The following PPARGC1B variants were observed in gnomAD, a reference collection of about 807,000 sequenced individuals.
The protein encoded by PPARGC1B is peroxisome proliferator-activated receptor gamma coactivator 1-beta.
In PPARGC1B, 34 loss-of-function variants were observed where a neutral mutation model predicts 101.6. That is an observed-to-expected ratio of 0.33 (90% confidence interval 0.25 to 0.45). The LOEUF (loss-of-function observed/expected upper bound fraction) is 0.45, where lower values mean the gene tolerates loss of function less well. Among genes scored for constraint, PPARGC1B ranks in the 20% least tolerant of loss-of-function variants. PPARGC1B has a pLI of 1.00. For synonymous variants in PPARGC1B, 548 were observed against 539.3 expected (o/e 1.02, Z -0.22); for missense variants, 1,234 against 1,317.6 (o/e 0.94, Z 0.98).
At chr5:149,790,465 C>G (rs1756977374) in intron 1 of PPARGC1B, among the ~76,000 whole-genome samples, 2 of 152,106 alleles carry the variant, frequency 1.3e-5, no homozygotes, top group African/African-American at 4.8e-5. Flanking sequence ...AGCTGCTCTC[C>G]CTGTCCAGAC....
At chr5:149,782,161 G>A (rs1756623380) in intron 1 of PPARGC1B, among the ~76,000 whole-genome samples, 1 of 152,142 alleles carries the variant, frequency 6.6e-6, no homozygotes, top group Admixed American at 6.5e-5. Context: ...CCTGGCATAA[G>A]CAAAGGCTCG....
At chr5:149,818,102 G>A (rs1452679124) in intron 1 of PPARGC1B, among the ~76,000 whole-genome samples, 1 of 152,222 alleles carries the variant, frequency 6.6e-6, no homozygotes, top group African/African-American at 2.4e-5. Flanking sequence ...CTGGTGATTT[G>A]TAGTTGGGGG....
In PPARGC1B at chr5:149,839,963, C is replaced by T. The variant is rs777007210; in HGVS notation, c.2619-78C>T. On this transcript the variant is annotated intron_variant, in intron 8 of 11. Transcript: ENST00000309241. Reference sequence around the variant, plus strand: ...ACAAATCCTAAGGAAGCATCCCTTGCGTCCTGGAGCAGATCCGCCCCCACC... The same window carrying T: ...ACAAATCCTAAGGAAGCATCCCTTGTGTCCTGGAGCAGATCCGCCCCCACC... 3.9e-5 allele frequency: 55 copies of T among 1,399,946 alleles called. No individual in the cohort carries two copies. The East Asian group carries it at 4.6e-4, about 12-fold the overall frequency. The allele number at this position is 1,399,946 out of a possible 1,614,324, so 86.7% of individuals were successfully genotyped here.
Position 149,833,053 on chromosome 5 carries a change from CCTGGTCCCGGCA to C in PPARGC1B, c.982_993del (p.Trp328_His331del), listed in dbSNP as rs758445549. On this transcript the variant is annotated inframe_deletion, in exon 5 of 12. Coordinates refer to ENST00000309241, the MANE Select transcript of PPARGC1B (RefSeq NM_133263.4). This position sits in a 1 kb window ranked among gnomAD's most constrained non-coding sequence, Gnocchi z 4.1. ...CCCTCCCAGCAGGTCAGATCCCGGC[CCTGGTCCCGGCA>C]CCACTCCAAAGCCTCCTGGGCTGAG... The C allele has an allele frequency of 3.5e-5, 57 of 1,613,792 alleles. No individual in the cohort carries two copies. The African/African-American group carries it at 6.8e-4, about 19-fold the overall frequency.
intron 1 of PPARGC1B, among the ~76,000 whole-genome samples, chr5:149,734,483 A>G (rs906339495): frequency 1.4e-4 from 22 of 151,828 alleles, no homozygotes; most frequent in African/African-American, 4.1e-4. Context: ...CTTAATGATT[A>G]TATAATGTTT....
rs72364863 is a variant in PPARGC1B, at chr5:149,784,560, C to CTTT, written c.79-35852_79-35850dup. The stretch of plus-strand genomic sequence containing the variant: ...AGCCTCACTCCAGCCAACTGAGTTT[C>CTTT]TTTTTTTTTTTTTTTTTTTTTTTCT... On this transcript the variant is annotated intron_variant, in intron 1 of 11. Coordinates refer to ENST00000309241, the MANE Select transcript of PPARGC1B (RefSeq NM_133263.4). 4.8e-4 allele frequency among the ~76,000 whole-genome samples: 36 copies of CTTT among 75,698 alleles called. 1 individual carries two copies. Among genetic ancestry groups the CTTT allele is most frequent in the Non-Finnish European group, 7.3e-4 (31 of 42,366 alleles). 49.7% of individuals were successfully genotyped at this position (75,698 alleles called of 152,430 possible). A position where few individuals can be genotyped will look rare whatever the true frequency, so the allele number is the denominator to read the frequency against.
At position 149,842,217 on chromosome 5, in the gene PPARGC1B, G is replaced by A. The variant is rs762884122; in HGVS notation, c.2695-39G>A. The A allele has an allele frequency of 3.7e-5, 59 of 1,602,484 alleles. 1 individual carries two copies. In the Middle Eastern group the frequency reaches 1.7e-3, roughly 47 times the overall value. Reference sequence around the variant, plus strand: ...TCCCAGAGGGGCCCCAGGAAGCCAGGCAATGACGGAGTCTCTCTCTGTCCT... The same window carrying A: ...TCCCAGAGGGGCCCCAGGAAGCCAGACAATGACGGAGTCTCTCTCTGTCCT... On this transcript the variant is annotated intron_variant, in intron 9 of 11. Coordinates refer to ENST00000309241, the MANE Select transcript of PPARGC1B (RefSeq NM_133263.4).
chr5:149,788,684 C>T lies in PPARGC1B; in HGVS notation c.79-31749C>T, dbSNP rs867238926. ...TAGACTTGGAACCAACCCACATGTCCGTCAATAATAGACTGGATTAAGAAA... is the reference window on the plus strand; with the variant it reads ...TAGACTTGGAACCAACCCACATGTCTGTCAATAATAGACTGGATTAAGAAA... On this transcript the variant is annotated intron_variant, in intron 1 of 11. Coordinates refer to ENST00000309241, the MANE Select transcript of PPARGC1B (RefSeq NM_133263.4). Among the ~76,000 whole-genome samples the T allele has an allele frequency of 3.2e-4, 48 of 152,240 alleles. No individual in the cohort carries two copies. The Middle Eastern group carries it at 0.01, about 32-fold the overall frequency.
intron 1 of PPARGC1B, among the ~76,000 whole-genome samples, chr5:149,756,142 T>G (rs186773588): frequency 1.0e-3 from 154 of 152,300 alleles, no homozygotes; most frequent in African/African-American, 3.5e-3. Context: ...ACTTACCACA[T>G]AGGAGGCACT....
chr5:149,807,572 A>G (rs867319359), intron 1 of PPARGC1B, among the ~76,000 whole-genome samples: 1 of 152,112 alleles, frequency 6.6e-6, no homozygotes, highest in East Asian at 1.9e-4. Context: ...AGCAAAATCG[A>G]TGCATTTCAC....
intron 1 of PPARGC1B, among the ~76,000 whole-genome samples, chr5:149,738,731 A>G (rs1162595743): frequency 1.3e-5 from 2 of 151,994 alleles, no homozygotes; most frequent in African/African-American, 4.8e-5. Flanking sequence ...CAAGTAGCTG[A>G]GACTACAGGC....
In PPARGC1B at chr5:149,833,201, G is replaced by C; in HGVS notation, c.1128G>C (p.Arg376Ser). Residue 376 changes from arginine to serine, a missense_variant, in exon 5 of 12, where the codon AGG (arginine) becomes AGC (serine). Coordinates refer to ENST00000309241, the MANE Select transcript of PPARGC1B (RefSeq NM_133263.4). The surrounding 1 kb of genome is among the most constrained non-coding windows in gnomAD (Gnocchi z 4.1). ...CCCTCACACCTCGGTCAAGGCCCAG[G>C]CCCCCCAAAGACAGTCAGGCCTCCC... ...YASLTPRSRPRPPKDSQASPG... is the reference protein window; with the variant it reads ...YASLTPRSRPSPPKDSQASPG... The C allele has an allele frequency of 6.2e-7, 1 of 1,613,308 alleles. No homozygotes were observed. The highest frequency in any genetic ancestry group is 8.5e-7 in the Non-Finnish European group (1 of 1,180,002).
rs1408597858 is a variant in PPARGC1B, at chr5:149,849,516, C to T, written c.*1958C>T. On this transcript the variant is annotated 3_prime_UTR_variant, in exon 12 of 12. Coordinates refer to ENST00000309241, the MANE Select transcript of PPARGC1B (RefSeq NM_133263.4). Reference sequence around the variant, plus strand: ...CTTGACCAATACAGACATAACTAATCAATCACACCACTCAGGTTCCCTGAG... The same window carrying T: ...CTTGACCAATACAGACATAACTAATTAATCACACCACTCAGGTTCCCTGAG... The T allele has an allele frequency of 1.3e-5, 2 of 152,238 alleles. No homozygotes were observed. Among genetic ancestry groups the T allele is most frequent in the Non-Finnish European group, 2.9e-5 (2 of 68,042 alleles). The allele number at this position is 152,238 out of a possible 1,614,324, so 9.4% of individuals were successfully genotyped here. A position where few individuals can be genotyped will look rare whatever the true frequency, so the allele number is the denominator to read the frequency against.
chr5:149,774,445 G>A (rs1402186080), intron 1 of PPARGC1B, among the ~76,000 whole-genome samples: 3 of 152,152 alleles, frequency 2.0e-5, no homozygotes, highest in Non-Finnish European at 4.4e-5. Context: ...CGGGCATATA[G>A]CAGCGGATCA....
At chr5:149,773,592 CAGG>C (rs980067199) in intron 1 of PPARGC1B, among the ~76,000 whole-genome samples, 4 of 152,156 alleles carry the variant, frequency 2.6e-5, no homozygotes, top group Non-Finnish European at 5.9e-5. Flanking sequence ...AGACAGGGGT[CAGG>C]AGGAGGACAG....
At chr5:149,741,301 C>T (rs1361666532) in intron 1 of PPARGC1B, among the ~76,000 whole-genome samples, 1 of 152,236 alleles carries the variant, frequency 6.6e-6, no homozygotes, top group African/African-American at 2.4e-5. Flanking sequence ...GGCAAACAGC[C>T]TTGGCAACGT....
intron 1 of PPARGC1B, chr5:149,817,537 C>A: frequency 2.9e-6 from 1 of 345,338 alleles, no homozygotes; most frequent in Non-Finnish European, 5.7e-6. Context: ...TCCATCAGTG[C>A]ACCTTGTTTG....
intron 1 of PPARGC1B, among the ~76,000 whole-genome samples, chr5:149,748,239 C>G: frequency 6.6e-6 from 1 of 151,850 alleles, no homozygotes. Flanking sequence ...GGGCATGGTA[C>G]TTATTCTGCC....
chr5:149,839,888 G>T (rs1759264264), intron 8 of PPARGC1B, among the ~76,000 whole-genome samples, 153 bp from the exon 9 acceptor site: 2 of 152,198 alleles, frequency 1.3e-5, no homozygotes, highest in African/African-American at 2.4e-5. Flanking sequence ...CGTTGCAGAA[G>T]GGGAAGCTAG....
Sources: allele counts gnomAD v4.1 joint callset (sites outside exome capture counted in the v4.1 genomes callset), GRCh38; gene constraint gnomAD v4.1.1; non-coding constraint Gnocchi (gnomAD v3.1); transcripts MANE v1.5; gene names NCBI Gene and HGNC (gene_info 2026-07-23, HGNC 2026-07-21).